Variants in TTC28 observed in about 807,000 individuals in gnomAD.
TTC28 encodes tetratricopeptide repeat protein 28.
In TTC28, 61 loss-of-function variants were observed where a neutral mutation model predicts 198.0. The observed-to-expected ratio is 0.31, with a 90% CI of 0.25 to 0.38. The LOEUF is 0.38. TTC28 is among the 10% of genes least tolerant of loss of function. TTC28 has a pLI of 1.00. For synonymous variants in TTC28, 1,171 were observed against 1,297.8 expected, an observed-to-expected ratio of 0.90 and a Z score of 2.10; for missense variants, 2,678 against 3,164.0, an observed-to-expected ratio of 0.85 and a Z score of 3.69.
rs1228976961 is a variant in TTC28, at chr22:28,164,618, G to T, written c.934-1019C>A. Among the ~76,000 whole-genome samples the T allele has an allele frequency of 2.0e-5, 3 of 152,120 alleles. No homozygotes were observed. The East Asian group carries it at 5.8e-4, about 29-fold the overall frequency. On this transcript the variant is annotated intron_variant, in intron 5 of 22. Transcript: ENST00000397906. Reference sequence around the variant, plus strand: ...AGAAGGAAAACTAACAAACAGAAAGGACATCCACAACAAAAACCCATCTCC... The same window carrying T: ...AGAAGGAAAACTAACAAACAGAAAGTACATCCACAACAAAAACCCATCTCC...
intron 12 of TTC28, among the ~76,000 whole-genome samples, chr22:28,085,630 C>G (rs1247811273): frequency 6.6e-6 from 1 of 152,104 alleles, no homozygotes; most frequent in Non-Finnish European, 1.5e-5. Context: ...CAGCTAACAT[C>G]ATAATGACAG....
intron 5 of TTC28, among the ~76,000 whole-genome samples, chr22:28,265,609 A>G (rs754231473): frequency 6.6e-6 from 1 of 152,156 alleles, no homozygotes; most frequent in Admixed American, 6.6e-5. Flanking sequence ...CAACTATTCA[A>G]AAATCATCTC....
At chr22:28,291,367 C>T (rs1303787626) in intron 5 of TTC28, among the ~76,000 whole-genome samples, 1 of 151,892 alleles carries the variant, frequency 6.6e-6, no homozygotes, top group Non-Finnish European at 1.5e-5. Flanking sequence ...ATAACCAGTA[C>T]CACTATAGAA....
intron 2 of TTC28, among the ~76,000 whole-genome samples, chr22:28,477,881 C>T (rs749149035): frequency 1.3e-5 from 2 of 152,182 alleles, no homozygotes; most frequent in Non-Finnish European, 2.9e-5. Flanking sequence ...ACATGTGGGA[C>T]AAAATCAAGT....
At chr22:28,197,003 A>G (rs1925416699) in intron 5 of TTC28, among the ~76,000 whole-genome samples, 1 of 152,158 alleles carries the variant, frequency 6.6e-6, no homozygotes, top group Admixed American at 6.5e-5. Context: ...TCACAATAGC[A>G]AAGACTTGGA....
At chr22:28,338,789 C>T (rs2045777295) in intron 2 of TTC28, among the ~76,000 whole-genome samples, 1 of 152,090 alleles carries the variant, frequency 6.6e-6, no homozygotes, top group Admixed American at 6.6e-5. Flanking sequence ...TTCGAACTTC[C>T]TCCTTTAGCT....
intron 1 of TTC28, among the ~76,000 whole-genome samples, chr22:28,661,319 T>C (rs918510515): frequency 1.3e-5 from 2 of 152,226 alleles, no homozygotes; most frequent in African/African-American, 4.8e-5. Flanking sequence ...TAGCCTCATT[T>C]CATATAATCC....
chr22:28,634,415 CAGG>C (rs2051230906), intron 1 of TTC28, among the ~76,000 whole-genome samples: 1 of 147,820 alleles, frequency 6.8e-6, no homozygotes, highest in East Asian at 2.1e-4. Context: ...GAGGCTGAGG[CAGG>C]AGAATTGCTT....
chr22:28,556,165 C>A (rs2049782912), intron 2 of TTC28, among the ~76,000 whole-genome samples: 1 of 152,114 alleles, frequency 6.6e-6, no homozygotes, highest in South Asian at 2.1e-4. Context: ...TCAAGACCAG[C>A]CTGGCCAACA....
intron 3 of TTC28, among the ~76,000 whole-genome samples, chr22:28,301,290 G>A (rs1360712349): frequency 6.6e-6 from 1 of 152,164 alleles, no homozygotes; most frequent in African/African-American, 2.4e-5. Context: ...GTGAAACAGA[G>A]TTTTGGCAGC....
chr22:28,464,114 T>G (rs1370205801), intron 2 of TTC28, among the ~76,000 whole-genome samples: 2 of 152,014 alleles, frequency 1.3e-5, no homozygotes, highest in Non-Finnish European at 2.9e-5. Context: ...TAAGAGACAT[T>G]TAACCCTTTC....
At chr22:28,178,685 TTCTG>T in intron 5 of TTC28, among the ~76,000 whole-genome samples, 1 of 152,322 alleles carries the variant, frequency 6.6e-6, no homozygotes, top group South Asian at 2.1e-4. Flanking sequence ...TTTAGATGAA[TTCTG>T]TCTGTCCACC....
At chr22:28,359,451 C>T (rs1332117841) in intron 2 of TTC28, among the ~76,000 whole-genome samples, 1 of 152,182 alleles carries the variant, frequency 6.6e-6, no homozygotes, top group Non-Finnish European at 1.5e-5. Flanking sequence ...ATCTAATAAT[C>T]CACTTAGCCC....
intron 2 of TTC28, among the ~76,000 whole-genome samples, chr22:28,340,557 C>T (rs1353126107): frequency 6.6e-6 from 1 of 152,010 alleles, no homozygotes; most frequent in Non-Finnish European, 1.5e-5. Context: ...GGGCAACCTT[C>T]TCCTTTTAAC....
At chr22:28,045,644 A>T (rs1939831932) in intron 12 of TTC28, among the ~76,000 whole-genome samples, 1 of 152,196 alleles carries the variant, frequency 6.6e-6, no homozygotes, top group African/African-American at 2.4e-5. Context: ...ACACATGCAG[A>T]CTCACATATA....
intron 2 of TTC28, among the ~76,000 whole-genome samples, chr22:28,531,891 C>G (rs140128850): frequency 0.076 from 11,562 of 152,246 alleles, 700 homozygotes; most frequent in African/African-American, 0.17. Flanking sequence ...GCCAGAATCT[C>G]TGGGACACAT....
intron 2 of TTC28, among the ~76,000 whole-genome samples, chr22:28,367,107 A>G (rs1407453309): frequency 1.3e-5 from 2 of 152,232 alleles, no homozygotes; most frequent in South Asian, 2.1e-4. Context: ...ATATTTACAT[A>G]GCATTTCATT....
At chr22:28,518,569 C>A (rs572847160) in intron 2 of TTC28, among the ~76,000 whole-genome samples, 1 of 152,298 alleles carries the variant, frequency 6.6e-6, no homozygotes, top group South Asian at 2.1e-4. Flanking sequence ...TGATTCACCA[C>A]TGCACTACAG....
In TTC28 at chr22:28,505,025, G is replaced by C. The variant is rs1271904684; in HGVS notation, c.381+124527C>G. Reference sequence around the variant, plus strand: ...AATCCCAAGCACTTTGGGAGGCCGAGGTGGGCGGATCACAAGGTCAGGATA... The same window carrying C: ...AATCCCAAGCACTTTGGGAGGCCGACGTGGGCGGATCACAAGGTCAGGATA... On this transcript the variant is annotated intron_variant, in intron 2 of 22. Coordinates refer to ENST00000397906, the MANE Select transcript of TTC28 (RefSeq NM_001145418.2). 4.6e-5 allele frequency among the ~76,000 whole-genome samples: 7 copies of C among 152,038 alleles called. No individual in the cohort carries two copies. In the East Asian group the frequency reaches 1.4e-3, roughly 29 times the overall value.
Sources: gnomAD v4.1 joint callset for allele counts (sites outside exome capture counted in the v4.1 genomes callset) on GRCh38, gnomAD v4.1.1 for gene constraint, MANE v1.5 for transcripts, NCBI Gene and HGNC (gene_info 2026-07-23, HGNC 2026-07-21) for gene names.